The following TOX variants were observed in gnomAD, a reference collection of about 807,000 sequenced individuals.
The protein encoded by TOX is thymocyte selection associated high mobility group box.
A neutral mutation model predicts 53.7 loss-of-function variants in TOX; 11 were observed. That is an observed-to-expected ratio of 0.20 (90% CI 0.13 to 0.34). TOX has a LOEUF of 0.34. Ranked by LOEUF, TOX falls within the 10% of genes least tolerant of loss-of-function variation. The pLI is 1.00. For missense variants in TOX, 570 were observed against 664.6 expected (o/e 0.86, Z 1.56); for synonymous variants, 225 against 245.3 (o/e 0.92, Z 0.77).
intron 3 of TOX, among the ~76,000 whole-genome samples, chr8:58,887,719 T>G (rs898129174): frequency 6.6e-5 from 10 of 152,062 alleles, no homozygotes. Flanking sequence ...TATTTTCTGC[T>G]CTTTAAGGTC....
chr8:58,846,546 A>T (rs1384379136), intron 4 of TOX, among the ~76,000 whole-genome samples: 1 of 152,082 alleles, frequency 6.6e-6, no homozygotes, highest in African/African-American at 2.4e-5. Flanking sequence ...TCCTACTCTA[A>T]AGGCTTATTT....
At chr8:58,850,229 T>G (rs991605219) in intron 4 of TOX, among the ~76,000 whole-genome samples, 1 of 152,080 alleles carries the variant, frequency 6.6e-6, no homozygotes, top group Non-Finnish European at 1.5e-5. Flanking sequence ...ACAGAAAACA[T>G]GGAAATGATG....
chr8:59,058,836 A>G (rs1257555362), intron 1 of TOX, among the ~76,000 whole-genome samples: 4 of 152,220 alleles, frequency 2.6e-5, no homozygotes, highest in Non-Finnish European at 5.9e-5. Context: ...TACAATTAAC[A>G]ACAACAAAAT....
chr8:58,887,583 AT>A (rs1481640096), intron 3 of TOX, among the ~76,000 whole-genome samples: 25 of 151,970 alleles, frequency 1.6e-4, no homozygotes, highest in African/African-American at 6.0e-4. Context: ...TTAATTCTCT[AT>A]ATAATTGTGT....
At chr8:59,083,266 A>G (rs886710294) in intron 1 of TOX, among the ~76,000 whole-genome samples, 1 of 152,226 alleles carries the variant, frequency 6.6e-6, no homozygotes, top group African/African-American at 2.4e-5. Flanking sequence ...TTTTATTATA[A>G]TATTTATTTA....
intron 3 of TOX, among the ~76,000 whole-genome samples, chr8:58,893,565 C>T (rs937462592): frequency 6.6e-6 from 1 of 152,154 alleles, no homozygotes; most frequent in Non-Finnish European, 1.5e-5. Flanking sequence ...AAGTTCAGTG[C>T]AATTATTATA....
intron 1 of TOX, among the ~76,000 whole-genome samples, chr8:59,033,971 C>T (rs172655): frequency 0.076 from 11,602 of 152,238 alleles, 1,215 homozygotes; most frequent in East Asian, 0.47. Context: ...CAGGGAAGCA[C>T]ACTGAAAGAA....
chr8:58,858,737 T>C (rs975229080), intron 3 of TOX, among the ~76,000 whole-genome samples: 2 of 152,336 alleles, frequency 1.3e-5, no homozygotes, highest in Non-Finnish European at 1.5e-5. Flanking sequence ...TGACAAGTGC[T>C]TCCTCTCGGT....
intron 3 of TOX, among the ~76,000 whole-genome samples, chr8:58,912,637 C>T (rs1022007342): frequency 2.0e-5 from 3 of 152,184 alleles, no homozygotes; most frequent in African/African-American, 7.2e-5. Context: ...TAACAAGTTT[C>T]CACATGATGC....
intron 1 of TOX, among the ~76,000 whole-genome samples, chr8:59,028,561 GCATACATA>G (rs566256532): frequency 6.6e-5 from 10 of 151,612 alleles, no homozygotes; most frequent in East Asian, 1.9e-4. Context: ...ATAGATACAT[GCATACATA>G]CATACATACA....
Position 59,089,120 on chromosome 8 carries a change from G to A in TOX, c.102+29766C>T, listed in dbSNP as rs79423631. ...TCTGAAATCACTTTGTGAAAGGCACGCTAACAGAGCTTCATGCTGATAATA... is the reference window on the plus strand; with the variant it reads ...TCTGAAATCACTTTGTGAAAGGCACACTAACAGAGCTTCATGCTGATAATA... On this transcript the variant is annotated intron_variant, in intron 1 of 8. Transcript: ENST00000361421. Among the ~76,000 whole-genome samples the A allele has an allele frequency of 5.4e-3, 829 of 152,272 alleles. 16 individuals are homozygous for A. The South Asian group carries it at 0.07, about 13-fold the overall frequency.
intron 6 of TOX, among the ~76,000 whole-genome samples, chr8:58,826,191 G>T (rs1016165034): frequency 6.6e-6 from 1 of 152,182 alleles, no homozygotes; most frequent in Non-Finnish European, 1.5e-5. Context: ...CAGCCAATTT[G>T]CGACATGAGA....
At chr8:58,887,894 G>A (rs377449494) in intron 3 of TOX, among the ~76,000 whole-genome samples, 38 of 152,100 alleles carry the variant, frequency 2.5e-4, no homozygotes, top group African/African-American at 8.2e-4. Context: ...TTTAACAATG[G>A]GAATACATTC....
chr8:59,092,302 T>TATAATAAAAAA (rs1804630725), intron 1 of TOX, among the ~76,000 whole-genome samples: 1 of 104,632 alleles, frequency 9.6e-6, no homozygotes, highest in Non-Finnish European at 1.6e-5. Context: ...ATTATATATA[T>TATAATAAAAAA]TATATATTAT....
At chr8:59,067,712 A>G (rs973001649) in intron 1 of TOX, among the ~76,000 whole-genome samples, 3 of 152,178 alleles carry the variant, frequency 2.0e-5, no homozygotes, top group African/African-American at 7.2e-5. Flanking sequence ...TATAAAAAAA[A>G]AAATGGAGGC....
intron 3 of TOX, among the ~76,000 whole-genome samples, chr8:58,866,397 C>T (rs1309763556): frequency 6.6e-6 from 1 of 152,158 alleles, no homozygotes; most frequent in Non-Finnish European, 1.5e-5. Context: ...ATAAGCCTCA[C>T]ACATTTTAAT....
chr8:58,966,632 T>C (rs1479955273), intron 1 of TOX, among the ~76,000 whole-genome samples: 1 of 152,124 alleles, frequency 6.6e-6, no homozygotes, highest in East Asian at 1.9e-4. Flanking sequence ...CCCAGTGATA[T>C]ACTTATTTGG....
Position 58,994,967 on chromosome 8 carries a change from T to G in TOX, c.103-34959A>C, listed in dbSNP as rs138537148. Among the ~76,000 whole-genome samples, 845 of 152,348 alleles carry G rather than the reference T, an allele frequency of 5.5e-3. 5 individuals are homozygous for G. The highest frequency in any genetic ancestry group is 9.7e-3 in the Non-Finnish European group (661 of 68,030). ...CCTTCCATGTATCATCCATCTTACA[T>G]CATTGTGTATATCACACTAAGTGTC... On this transcript the variant is annotated intron_variant, in intron 1 of 8. Coordinates refer to ENST00000361421, the MANE Select transcript of TOX (RefSeq NM_014729.3).
At chr8:59,110,833 C>T (rs1805004232) in intron 1 of TOX, among the ~76,000 whole-genome samples, 2 of 152,056 alleles carry the variant, frequency 1.3e-5, no homozygotes, top group Admixed American at 1.3e-4. Context: ...GAAAGGTTAT[C>T]TCTTTGACTC....
Sources: gnomAD v4.1 joint callset for allele counts (sites outside exome capture counted in the v4.1 genomes callset) on GRCh38, gnomAD v4.1.1 for gene constraint, MANE v1.5 for transcripts, NCBI Gene and HGNC (gene_info 2026-07-23, HGNC 2026-07-21) for gene names.